The following ANKRD31 variants were observed in gnomAD, a reference collection of about 807,000 sequenced individuals.
ANKRD31 encodes ankyrin repeat domain-containing protein 31.
ANKRD31 carries 147 observed loss-of-function variants against 186.0 expected under a neutral mutation model. The ratio of observed to expected loss-of-function variants is 0.79; its 90% CI spans 0.69 to 0.91. ANKRD31 has a LOEUF of 0.91. Ranked by LOEUF, ANKRD31 falls within the 40% of genes least tolerant of loss-of-function variation. The pLI, the probability that ANKRD31 is intolerant of heterozygous loss-of-function variation, is 0.00. For synonymous variants in ANKRD31, 673 were observed against 736.4 expected, an observed-to-expected ratio of 0.91 and a Z score of 1.39; for missense variants, 1,986 against 2,148.8, an observed-to-expected ratio of 0.92 and a Z score of 1.50.
At chr5:75,155,801 T>G (rs999882756) in intron 11 of ANKRD31, among the ~76,000 whole-genome samples, 2 of 152,184 alleles carry the variant, frequency 1.3e-5, no homozygotes, top group Non-Finnish European at 2.9e-5. Flanking sequence ...AGTTTGAATC[T>G]TTCTCTCTTA....
intron 20 of ANKRD31, among the ~76,000 whole-genome samples, 198 bp downstream of exon 20, chr5:75,112,315 T>A (rs146667590): frequency 1.3e-5 from 2 of 152,296 alleles, no homozygotes; most frequent in East Asian, 3.9e-4. Context: ...TTAGCTATCA[T>A]TACAAGTCTA....
chr5:75,190,610 T>C (rs1407969233), intron 9 of ANKRD31, among the ~76,000 whole-genome samples: 1 of 48,818 alleles, frequency 2.0e-5, no homozygotes, highest in African/African-American at 2.2e-4. Context: ...CTTATATATG[T>C]GTGTGTGTGT....
chr5:75,215,170 G>A (rs1455527845), intron 3 of ANKRD31, among the ~76,000 whole-genome samples: 1 of 152,162 alleles, frequency 6.6e-6, no homozygotes, highest in Non-Finnish European at 1.5e-5. Flanking sequence ...TCTAAAGACA[G>A]TCTGCTGTAG....
chr5:75,084,503 C>T, intron 23 of ANKRD31, 129 bp from the exon 24 acceptor site: 1 of 687,808 alleles, frequency 1.5e-6, no homozygotes, highest in Admixed American at 2.6e-5. Flanking sequence ...AGCTTCAGTC[C>T]ATGGCCAAAT....
chr5:75,095,036 A>C (rs1746207850), intron 22 of ANKRD31, among the ~76,000 whole-genome samples: 1 of 152,228 alleles, frequency 6.6e-6, no homozygotes, highest in African/African-American at 2.4e-5. Flanking sequence ...ATGAAAATAC[A>C]TGAAATAAAA....
At chr5:75,160,996 T>C (rs1752537119) in intron 11 of ANKRD31, among the ~76,000 whole-genome samples, 1 of 152,178 alleles carries the variant, frequency 6.6e-6, no homozygotes, top group African/African-American at 2.4e-5. Context: ...TGCCCAGTCT[T>C]GGGTATGTCT....
In ANKRD31 at chr5:75,146,052, C is replaced by T. The variant is rs528272071; in HGVS notation, c.3359G>A (p.Ser1120Asn). Residue 1120 changes from serine (S) to asparagine (N), a missense_variant, in exon 14 of 26, where the codon AGT becomes AAT. By Grantham distance (46) the Ser-to-Asn change is conservative. Transcript: ENST00000506364. ...TTTTGAGATGTTGGCCAATTCTTTA[C>T]TCATATTGTCAGTGGAATGAGAATC... ...NIDSHSTDNM[S>N]KELANISKLS... The T allele has an allele frequency of 3.2e-5, 49 of 1,518,610 alleles. No homozygotes were observed. In the African/African-American group the frequency reaches 6.0e-4, roughly 19 times the overall value. The allele number at this position is 1,518,610 out of a possible 1,614,324, so 94.1% of individuals were successfully genotyped here.
At chr5:75,084,236 C>T (rs1244807292) in intron 24 of ANKRD31, 36 bp downstream of exon 24, 4 of 1,451,000 alleles carry the variant, frequency 2.8e-6, no homozygotes, top group East Asian at 2.5e-5. Context: ...GGTGTTTTAT[C>T]CCACAACGAA....
intron 1 of ANKRD31, 112 bp from the exon 2 acceptor site, chr5:75,230,747 C>A: frequency 1.5e-6 from 1 of 682,752 alleles, no homozygotes; most frequent in Admixed American, 2.8e-5. Context: ...TTAGTTATAC[C>A]ACTATTAATG....
rs867095828 is a variant in ANKRD31 at position 75,192,630 on chromosome 5, G to C, written c.1408+37C>G. 3 of 1,407,940 alleles carry C rather than the reference G, an allele frequency of 2.1e-6. No individual in the cohort carries two copies. In the Middle Eastern group the frequency reaches 5.7e-4, roughly 268 times the overall value. The allele number at this position is 1,407,940 out of a possible 1,614,324, so 87.2% of individuals were successfully genotyped here. On this transcript the variant is annotated intron_variant, in intron 9 of 25. Coordinates refer to ENST00000506364, the MANE Select transcript of ANKRD31 (RefSeq NM_001372053.1). ...AATCCTTTCTACCAATTCTGTTTTT[G>C]TAAAAGAAATAGAAAAATACTCAAA...
At chr5:75,089,634 TGGGGTATTTACTA>T (rs972108251) in intron 23 of ANKRD31, among the ~76,000 whole-genome samples, 31 of 152,348 alleles carry the variant, frequency 2.0e-4, no homozygotes, top group African/African-American at 7.0e-4. Flanking sequence ...TTTCTCAGCT[TGGGGTATTTACTA>T]GAAGTACATC....
intron 17 of ANKRD31, among the ~76,000 whole-genome samples, chr5:75,125,563 C>A (rs1360791538): frequency 6.6e-6 from 1 of 152,112 alleles, no homozygotes; most frequent in Non-Finnish European, 1.5e-5. Context: ...CTTCTAGAGT[C>A]TTAAAAACAT....
intron 3 of ANKRD31, among the ~76,000 whole-genome samples, chr5:75,218,276 C>A (rs937398352): frequency 6.6e-6 from 1 of 151,978 alleles, no homozygotes; most frequent in African/African-American, 2.4e-5. Context: ...ACCACTGACC[C>A]CACAAAAATG....
chr5:75,173,109 T>C (rs1412340254), intron 10 of ANKRD31, among the ~76,000 whole-genome samples: 2 of 151,918 alleles, frequency 1.3e-5, no homozygotes, highest in Non-Finnish European at 2.9e-5. Context: ...ATGTAATCCA[T>C]CACATAAACA....
At chr5:75,154,406 G>A (rs1245456087) in intron 11 of ANKRD31, 61 bp from the exon 12 acceptor site, 1 of 1,361,920 alleles carries the variant, frequency 7.3e-7, no homozygotes, top group Non-Finnish European at 9.7e-7. Flanking sequence ...GTGAATGTGT[G>A]CTAGCAGACT....
intron 2 of ANKRD31, among the ~76,000 whole-genome samples, chr5:75,229,755 C>T (rs1757828838): frequency 1.3e-5 from 2 of 151,064 alleles, no homozygotes; most frequent in Admixed American, 1.3e-4. Flanking sequence ...GTCCCAGCTA[C>T]TCGCGAGGCT....
intron 22 of ANKRD31, among the ~76,000 whole-genome samples, chr5:75,095,347 G>A (rs1372912745): frequency 6.6e-6 from 1 of 152,062 alleles, no homozygotes; most frequent in Non-Finnish European, 1.5e-5. Context: ...GGTGGCGGAT[G>A]CCTGTAGTCC....
chr5:75,117,308 A>AG (rs2150081505), intron 18 of ANKRD31, among the ~76,000 whole-genome samples: 1 of 152,284 alleles, frequency 6.6e-6, no homozygotes, highest in African/African-American at 2.4e-5. Flanking sequence ...ATAGCTGTGA[A>AG]GAGGGAGAGT....
rs1451388824 is a variant in ANKRD31 at position 75,118,300 on chromosome 5, A to T, written c.3877-3T>A. 2.7e-6 allele frequency: 4 copies of T among 1,474,762 alleles called. No individual in the cohort carries two copies. In the Admixed American group the frequency reaches 1.1e-4, roughly 41 times the overall value. The allele number at this position is 1,474,762 out of a possible 1,614,324, so 91.4% of individuals were successfully genotyped here. ...TTTTGTAGTAGAATCTCAGCTGCCT[A>T]CAAAGTATTTTTTCAAAGTTATCTC... On this transcript the variant is annotated splice_region_variant and splice_polypyrimidine_tract_variant and intron_variant, in intron 17 of 25. Transcript: ENST00000506364.
Sources: gnomAD v4.1 joint callset for allele counts (sites outside exome capture counted in the v4.1 genomes callset) on GRCh38, gnomAD v4.1.1 for gene constraint, MANE v1.5 for transcripts, NCBI Gene and HGNC (gene_info 2026-07-23, HGNC 2026-07-21) for gene names.